Variants in DSCAM observed in about 807,000 individuals in gnomAD.
The protein encoded by DSCAM is DS cell adhesion molecule, also known as cell adhesion molecule DSCAM.
A neutral mutation model predicts 217.7 loss-of-function variants in DSCAM; 47 were observed. The observed-to-expected ratio is 0.22, with a 90% CI of 0.17 to 0.28. The LOEUF is 0.28. Among genes scored for constraint, DSCAM ranks in the 10% least tolerant of loss-of-function variants. The probability of loss-of-function intolerance (pLI) is 1.00; values close to 1 mark genes in which losing one functional copy is unlikely to be tolerated. For synonymous variants in DSCAM, 1,056 were observed against 1,015.3 expected, an observed-to-expected ratio of 1.04 and a Z score of -0.76; for missense variants, 2,080 against 2,618.3, an observed-to-expected ratio of 0.79 and a Z score of 4.49.
chr21:40,824,381 C>A (rs2091951756), intron 1 of DSCAM, among the ~76,000 whole-genome samples: 1 of 145,466 alleles, frequency 6.9e-6, no homozygotes, highest in South Asian at 2.1e-4. Context: ...ACAATCTGCT[C>A]CCTATCCCAT....
At chr21:40,292,400 T>A (rs536610235) in intron 10 of DSCAM, among the ~76,000 whole-genome samples, 1 of 152,144 alleles carries the variant, frequency 6.6e-6, no homozygotes, top group South Asian at 2.1e-4. Flanking sequence ...AAAGAAAACA[T>A]GTTCCATAAG....
At chr21:40,261,380 T>A (rs1423041975) in intron 11 of DSCAM, among the ~76,000 whole-genome samples, 1 of 152,140 alleles carries the variant, frequency 6.6e-6, no homozygotes, top group Admixed American at 6.5e-5. Flanking sequence ...TCAAACAGAT[T>A]GCCTTTTCTA....
intron 1 of DSCAM, among the ~76,000 whole-genome samples, chr21:40,766,540 G>C (rs923460334): frequency 4.0e-5 from 6 of 151,582 alleles, no homozygotes; most frequent in African/African-American, 1.5e-4. Context: ...TTTACTGAAA[G>C]AAAATGCTTG....
chr21:40,680,778 A>C (rs1402013896), intron 3 of DSCAM, among the ~76,000 whole-genome samples: 1 of 152,244 alleles, frequency 6.6e-6, no homozygotes, highest in Non-Finnish European at 1.5e-5. Flanking sequence ...TTGGAGAGTC[A>C]ATGCAACTTT....
At chr21:40,330,875 T>G (rs1005842312) in intron 8 of DSCAM, among the ~76,000 whole-genome samples, 1 of 152,218 alleles carries the variant, frequency 6.6e-6, no homozygotes, top group Non-Finnish European at 1.5e-5. Flanking sequence ...GATTATACAT[T>G]TAATACGTTA....
chr21:40,141,740 A>G (rs2090293392), intron 18 of DSCAM, among the ~76,000 whole-genome samples: 1 of 152,122 alleles, frequency 6.6e-6, no homozygotes, highest in Non-Finnish European at 1.5e-5. Context: ...CTTGGGACAG[A>G]GACAGTGAGC....
chr21:40,290,612 C>T (rs1391762785), intron 10 of DSCAM, among the ~76,000 whole-genome samples: 2 of 152,134 alleles, frequency 1.3e-5, no homozygotes, highest in African/African-American at 2.4e-5. Flanking sequence ...CAGAGCGAGA[C>T]TCCATCACAA....
intron 3 of DSCAM, among the ~76,000 whole-genome samples, chr21:40,436,636 G>A (rs1763034221): frequency 6.6e-6 from 1 of 152,186 alleles, no homozygotes; most frequent in African/African-American, 2.4e-5. Flanking sequence ...CACCAGTTCT[G>A]TGGGATATGA....
intron 9 of DSCAM, among the ~76,000 whole-genome samples, chr21:40,298,284 T>C (rs2073977764): frequency 1.3e-5 from 2 of 152,066 alleles, no homozygotes; most frequent in African/African-American, 2.4e-5. Flanking sequence ...GGTTTTACCA[T>C]CTTGGCCAGG....
At chr21:40,029,215 T>C (rs980530711) in intron 32 of DSCAM, among the ~76,000 whole-genome samples, 2 of 152,036 alleles carry the variant, frequency 1.3e-5, no homozygotes, top group African/African-American at 4.8e-5. Context: ...TGCTTCTTCT[T>C]CTTATGATGT....
intron 27 of DSCAM, among the ~76,000 whole-genome samples, chr21:40,063,564 C>T (rs140343240): frequency 1.2e-3 from 177 of 152,062 alleles, no homozygotes; most frequent in African/African-American, 3.6e-3. Flanking sequence ...TCTTTTTACA[C>T]ATTTGGTCCT....
chr21:40,660,871 T>A (rs374446000), intron 3 of DSCAM, among the ~76,000 whole-genome samples: 39 of 152,306 alleles, frequency 2.6e-4, no homozygotes, highest in African/African-American at 9.1e-4. Context: ...TACATCTCAA[T>A]AACTGCTGAA....
intron 32 of DSCAM, among the ~76,000 whole-genome samples, chr21:40,036,649 C>G (rs1313454518): frequency 7.2e-6 from 1 of 139,252 alleles, no homozygotes; most frequent in South Asian, 2.3e-4. Flanking sequence ...AGAGGGAATC[C>G]TCCCTAACTC....
intron 3 of DSCAM, among the ~76,000 whole-genome samples, chr21:40,564,542 A>AC (rs2076750558): frequency 6.6e-6 from 1 of 152,098 alleles, no homozygotes; most frequent in African/African-American, 2.4e-5. Flanking sequence ...TGGGGCATGG[A>AC]CTTAGGGCTG....
chr21:40,393,308 C>G (rs2075150441), intron 3 of DSCAM, among the ~76,000 whole-genome samples: 1 of 152,202 alleles, frequency 6.6e-6, no homozygotes. Flanking sequence ...AGCACTCAAT[C>G]CATAACAGCT....
Position 40,586,350 on chromosome 21 carries a change from A to G in DSCAM, c.508+106460T>C, listed in dbSNP as rs12106478. Among the ~76,000 whole-genome samples, 269 of 152,328 alleles carry G rather than the reference A, an allele frequency of 1.8e-3. 1 individual carries two copies. Among genetic ancestry groups the G allele is most frequent in the African/African-American group, 6.1e-3 (254 of 41,578 alleles). Reference sequence around the variant, plus strand: ...ATTACCCAGTCTCACGTAATCCTTTACAGCAACATAAAAGCAGACTAACAC... The same window carrying G: ...ATTACCCAGTCTCACGTAATCCTTTGCAGCAACATAAAAGCAGACTAACAC... On this transcript the variant is annotated intron_variant, in intron 3 of 32. Coordinates refer to ENST00000400454, the MANE Select transcript of DSCAM (RefSeq NM_001389.5).
At chr21:40,142,849 C>G (rs2146714286) in intron 17 of DSCAM, 145 bp from the exon 18 acceptor site, 1 of 937,506 alleles carries the variant, frequency 1.1e-6, no homozygotes, top group East Asian at 2.5e-5. Flanking sequence ...TAACAAAGAT[C>G]ACTTCCCTGG....
intron 3 of DSCAM, among the ~76,000 whole-genome samples, chr21:40,658,866 A>C (rs1300366691): frequency 6.6e-6 from 1 of 152,170 alleles, no homozygotes; most frequent in Non-Finnish European, 1.5e-5. Context: ...TAAAATCATA[A>C]ATTTAAGACA....
chr21:40,123,175 C>T (rs1021315895), intron 20 of DSCAM, among the ~76,000 whole-genome samples: 109 of 152,138 alleles, frequency 7.2e-4, no homozygotes, highest in African/African-American at 2.5e-3. Context: ...TTAATGGGGA[C>T]AGAGTTTCGG....
Sources: allele counts gnomAD v4.1 joint callset (sites outside exome capture counted in the v4.1 genomes callset), GRCh38; gene constraint gnomAD v4.1.1; transcripts MANE v1.5; gene names NCBI Gene and HGNC (gene_info 2026-07-23, HGNC 2026-07-21).